ZC3H12B: variants seen among roughly 807,000 people sequenced by gnomAD.
ZC3H12B encodes probable ribonuclease ZC3H12B.
Under a neutral mutation model 43.9 loss-of-function variants are expected in ZC3H12B, and 7 were observed. The observed-to-expected ratio is 0.16, with a 90% CI of 0.09 to 0.30. The LOEUF (loss-of-function observed/expected upper bound fraction) is 0.30, where lower values mean the gene tolerates loss of function less well. Ranked by LOEUF, ZC3H12B falls within the 10% of genes least tolerant of loss-of-function variation. The probability of loss-of-function intolerance (pLI) is 1.00; values close to 1 mark genes in which losing one functional copy is unlikely to be tolerated. For synonymous variants in ZC3H12B, 222 were observed against 241.7 expected, an observed-to-expected ratio of 0.92 and a Z score of 0.76; for missense variants, 475 against 670.2, an observed-to-expected ratio of 0.71 and a Z score of 3.22.
chrX:65,448,579 G>T (rs1308134342), intron 3 of ZC3H12B, among the ~76,000 whole-genome samples: 1 of 111,564 alleles, frequency 9.0e-6, no homozygotes, highest in Non-Finnish European at 1.9e-5. Context: ...CACTTTGTGA[G>T]GCCGACGTGG....
At chrX:65,225,998 A>G in the ZC3H12B span, among the ~76,000 whole-genome samples, 1 of 111,923 alleles carries the variant, frequency 8.9e-6, no homozygotes, top group African/African-American at 3.2e-5. Context: ...AGGAAGGCCA[A>G]CATTCAGATT....
the ZC3H12B span, among the ~76,000 whole-genome samples, chrX:65,278,804 C>T: frequency 4.0e-5 from 4 of 100,555 alleles, no homozygotes; most frequent in East Asian, 3.4e-4. Context: ...CTCCCCCTAC[C>T]CTCCCCCCTC....
At chrX:65,041,256 C>T in the ZC3H12B span, among the ~76,000 whole-genome samples, 3 of 111,935 alleles carry the variant, frequency 2.7e-5, no homozygotes, top group Non-Finnish European at 5.6e-5. Flanking sequence ...TTCATTAATT[C>T]AGGCCCCACT....
the ZC3H12B span, among the ~76,000 whole-genome samples, chrX:65,168,185 C>T: frequency 9.0e-6 from 1 of 111,602 alleles, no homozygotes; most frequent in Admixed American, 9.6e-5. Context: ...TCATAAATAG[C>T]TCTCATTATT....
the ZC3H12B span, among the ~76,000 whole-genome samples, chrX:65,144,689 A>G: frequency 5.0e-4 from 56 of 111,377 alleles, no homozygotes; most frequent in African/African-American, 1.8e-3. Context: ...CATTCAGTTG[A>G]AGAATTTTTT....
At chrX:65,178,525 G>T in the ZC3H12B span, among the ~76,000 whole-genome samples, 3 of 111,992 alleles carry the variant, frequency 2.7e-5, no homozygotes, top group Non-Finnish European at 3.8e-5. Context: ...CTGACAAAGG[G>T]CTAATATCCA....
the ZC3H12B span, among the ~76,000 whole-genome samples, chrX:65,148,226 G>A: frequency 9.0e-5 from 10 of 111,062 alleles, no homozygotes; most frequent in African/African-American, 6.5e-5. Context: ...AGGCTATGTC[G>A]GCTGACCTGG....
chrX:65,090,880 C>T, the ZC3H12B span, among the ~76,000 whole-genome samples: 25 of 111,004 alleles, frequency 2.3e-4, no homozygotes, highest in South Asian at 8.9e-3. Context: ...GCTGTCCTTG[C>T]GTTAGTGAGT....
the ZC3H12B span, among the ~76,000 whole-genome samples, chrX:65,244,741 A>AAG: frequency 9.3e-6 from 1 of 108,009 alleles, no homozygotes; most frequent in African/African-American, 3.4e-5. Context: ...AAAAAAAAAA[A>AAG]AAAAAAAAAA....
the ZC3H12B span, among the ~76,000 whole-genome samples, chrX:65,224,150 A>T: frequency 1.8e-5 from 2 of 112,659 alleles, no homozygotes; most frequent in African/African-American, 6.5e-5. Context: ...TGGAATTCAC[A>T]GCATCCTGGA....
intron 3 of ZC3H12B, among the ~76,000 whole-genome samples, chrX:65,460,716 G>T (rs1346120337): frequency 8.9e-6 from 1 of 111,809 alleles, no homozygotes; most frequent in African/African-American, 3.3e-5. Context: ...ATTCAAGATG[G>T]ATTAAAGATT....
intron 2 of ZC3H12B, among the ~76,000 whole-genome samples, chrX:65,373,653 A>C (rs1332537946): frequency 1.0e-5 from 1 of 100,170 alleles, no homozygotes; most frequent in Non-Finnish European, 2.0e-5. Flanking sequence ...AGAAAACCAA[A>C]CACTGAATGT....
intron 2 of ZC3H12B, among the ~76,000 whole-genome samples, chrX:65,378,038 G>T (rs755680842): frequency 2.3e-4 from 25 of 110,736 alleles, no homozygotes; most frequent in Non-Finnish European, 4.0e-4. Context: ...GGTGAAGCTT[G>T]CAGTGAGTGG....
the ZC3H12B span, among the ~76,000 whole-genome samples, chrX:65,104,347 G>A: frequency 8.9e-6 from 1 of 111,774 alleles, no homozygotes; most frequent in Non-Finnish European, 1.9e-5. Context: ...CAGGACATAG[G>A]CATGGGCAAA....
chrX:65,155,469 C>T, the ZC3H12B span, among the ~76,000 whole-genome samples: 1 of 111,300 alleles, frequency 9.0e-6, no homozygotes, highest in African/African-American at 3.3e-5. Context: ...TGGATTGTTG[C>T]ATTCGTATTC....
chrX:65,068,123 T>G, the ZC3H12B span, among the ~76,000 whole-genome samples: 1 of 108,307 alleles, frequency 9.2e-6, no homozygotes. Context: ...TTTTTTTTTT[T>G]TTAGTGTTTT....
the ZC3H12B span, among the ~76,000 whole-genome samples, chrX:65,283,229 A>G: frequency 8.9e-6 from 1 of 111,903 alleles, no homozygotes; most frequent in Non-Finnish European, 1.9e-5. Flanking sequence ...AAACCACGGG[A>G]TTATCTCAAT....
the ZC3H12B span, among the ~76,000 whole-genome samples, chrX:65,102,080 C>T: frequency 1.8e-5 from 2 of 111,654 alleles, no homozygotes; most frequent in African/African-American, 3.3e-5. Context: ...CTGGTTCAGC[C>T]TATGCAAATC....
chrX:65,291,101 A>G, the ZC3H12B span, among the ~76,000 whole-genome samples: 4 of 110,974 alleles, frequency 3.6e-5, no homozygotes, highest in Non-Finnish European at 7.6e-5. Context: ...AAAATGAGAT[A>G]TCACTTCACA....
Sources: allele counts gnomAD v4.1 joint callset (sites outside exome capture counted in the v4.1 genomes callset), GRCh38; gene constraint gnomAD v4.1.1; transcripts MANE v1.5; gene names NCBI Gene and HGNC (gene_info 2026-07-23, HGNC 2026-07-21).